PIK3CB: variants seen among roughly 807,000 people sequenced by gnomAD.
PIK3CB encodes phosphatidylinositol-4,5-bisphosphate 3-kinase catalytic subunit beta.
In PIK3CB, 39 loss-of-function variants were observed where a neutral mutation model predicts 136.8. The observed-to-expected ratio is 0.29, with a 90% CI of 0.22 to 0.37. The LOEUF is 0.37. PIK3CB is among the 10% of genes least tolerant of loss of function. The pLI is 1.00. For missense variants in PIK3CB, 868 were observed against 1,275.4 expected (o/e 0.68, Z 4.87); for synonymous variants, 428 against 436.6 (o/e 0.98, Z 0.25).
At chr3:138,779,322 A>G (rs2045897102) in intron 2 of PIK3CB, among the ~76,000 whole-genome samples, 1 of 149,874 alleles carries the variant, frequency 6.7e-6, no homozygotes. Context: ...TCCTGACCTC[A>G]TGATCTGCCC....
At chr3:138,773,259 C>G (rs925481641) in intron 2 of PIK3CB, among the ~76,000 whole-genome samples, 1 of 151,806 alleles carries the variant, frequency 6.6e-6, no homozygotes, top group African/African-American at 2.4e-5. Flanking sequence ...ATTAGTTAGG[C>G]GTGTTGTCAG....
At chr3:138,713,041 T>C (rs1195614653) in intron 9 of PIK3CB, among the ~76,000 whole-genome samples, 1 of 152,170 alleles carries the variant, frequency 6.6e-6, no homozygotes, top group Non-Finnish European at 1.5e-5. Context: ...AACATTTAAA[T>C]AGATTAATTT....
chr3:138,742,383 A>G (rs1559855363), intron 5 of PIK3CB, among the ~76,000 whole-genome samples, 175 bp downstream of exon 5: 1 of 152,218 alleles, frequency 6.6e-6, no homozygotes, highest in African/African-American at 2.4e-5. Flanking sequence ...ACGTGTACAG[A>G]ATATCACTTT....
At chr3:138,775,484 C>T (rs957020681) in intron 2 of PIK3CB, among the ~76,000 whole-genome samples, 19 of 152,196 alleles carry the variant, frequency 1.2e-4, no homozygotes, top group Non-Finnish European at 1.9e-4. Context: ...TTTTTTACCT[C>T]GACCTCCCAG....
At chr3:138,808,396 C>A (rs1292889886) in intron 1 of PIK3CB, among the ~76,000 whole-genome samples, 1 of 152,010 alleles carries the variant, frequency 6.6e-6, no homozygotes, top group Non-Finnish European at 1.5e-5. Context: ...TTTGGGAGGC[C>A]AAGGCAGGAA....
In PIK3CB at chr3:138,654,804, G is replaced by C. The variant is rs564515338; in HGVS notation, c.*585C>G. The C allele has an allele frequency of 5.0e-4, 107 of 212,886 alleles. No individual in the cohort carries two copies. The highest frequency in any genetic ancestry group is 2.2e-3 in the African/African-American group (99 of 44,394). 13.2% of individuals were successfully genotyped at this position (212,886 alleles called of 1,614,324 possible). ...CACCAGTAGATTTTCAGCAAGTCTG[G>C]CTGGAATGATGCTATCATGGAAATA... On this transcript the variant is annotated 3_prime_UTR_variant, in exon 24 of 24. Coordinates refer to ENST00000674063, the MANE Select transcript of PIK3CB (RefSeq NM_006219.3).
At position 138,760,050 on chromosome 3, in the gene PIK3CB, T is replaced by G. The variant is rs554457975; in HGVS notation, c.-16-691A>C. On this transcript the variant is annotated intron_variant, in intron 2 of 23. Coordinates refer to ENST00000674063, the MANE Select transcript of PIK3CB (RefSeq NM_006219.3). ...CATTCTCCTGCCTCAGCCTCCCGAG[T>G]AGCTGAGACTACAGGCGCCTGCCAC... is the stretch of plus-strand genomic sequence containing the variant. 2.0e-5 allele frequency among the ~76,000 whole-genome samples: 3 copies of G among 152,062 alleles called. No individual in the cohort carries two copies. The South Asian group carries it at 6.2e-4, about 32-fold the overall frequency.
chr3:138,823,320 T>A (rs1007371815), intron 1 of PIK3CB, among the ~76,000 whole-genome samples: 1 of 151,976 alleles, frequency 6.6e-6, no homozygotes, highest in African/African-American at 2.4e-5. Context: ...TAAGTGATCA[T>A]ATTTCAACTA....
Position 138,705,174 on chromosome 3 carries a change from CAAAAAACAAAACAAACAAA to C in PIK3CB, c.1531-700_1531-682del, listed in dbSNP as rs1559828631. Among the ~76,000 whole-genome samples, 52 of 57,056 alleles carry C rather than the reference CAAAAAACAAAACAAACAAA, an allele frequency of 9.1e-4. 1 individual carries two copies. Among genetic ancestry groups the C allele is most frequent in the African/African-American group, 4.3e-3 (51 of 11,746 alleles). The allele number at this position is 57,056 out of a possible 152,430, so 37.4% of individuals were successfully genotyped here. A position where few individuals can be genotyped will look rare whatever the true frequency, so the allele number is the denominator to read the frequency against. ...GAAAGGCAAAAAAAAAAAAAAAAAA[CAAAAAACAAAACAAACAAA>C]AAAAAAAACTTATATTTGCAAATAT... On this transcript the variant is annotated intron_variant, in intron 11 of 23. Transcript: ENST00000674063.
chr3:138,826,409 ATTTAGG>A (rs1933782377), intron 1 of PIK3CB: 1 of 1,279,920 alleles, frequency 7.8e-7, no homozygotes, highest in Admixed American at 1.8e-5. Flanking sequence ...TCAATCAGCC[ATTTAGG>A]TTTAATAGTA....
intron 4 of PIK3CB, among the ~76,000 whole-genome samples, chr3:138,750,481 G>A (rs1272442476): frequency 6.6e-6 from 1 of 152,094 alleles, no homozygotes; most frequent in Admixed American, 6.6e-5. Context: ...AGGATTCTTC[G>A]CATTCAAGCT....
At chr3:138,697,290 T>C (rs781634546) in intron 13 of PIK3CB, among the ~76,000 whole-genome samples, 1 of 152,190 alleles carries the variant, frequency 6.6e-6, no homozygotes, top group African/African-American at 2.4e-5. Flanking sequence ...AATACATCAG[T>C]GGCTAGAAGA....
chr3:138,657,475 T>A, intron 22 of PIK3CB: 1 of 496,118 alleles, frequency 2.0e-6, no homozygotes, highest in East Asian at 3.4e-5. Flanking sequence ...GAATAAAATA[T>A]AATAATTATT....
chr3:138,668,549 C>G (rs1009277066), intron 19 of PIK3CB, among the ~76,000 whole-genome samples: 5 of 152,188 alleles, frequency 3.3e-5, no homozygotes, highest in African/African-American at 1.2e-4. Flanking sequence ...CTCAGACTCT[C>G]TGACTGAAGT....
chr3:138,737,817 GT>G lies in PIK3CB; in HGVS notation c.690del (p.Lys230AsnfsTer3), dbSNP rs2108654915. The G allele has an allele frequency of 1.2e-6, 2 of 1,607,764 alleles. No homozygotes were observed. The highest frequency in any genetic ancestry group is 1.7e-6 in the Non-Finnish European group (2 of 1,176,304). On this transcript the variant is annotated frameshift_variant, in exon 6 of 24. Transcript: ENST00000674063. LOFTEE classifies it high-confidence loss of function. ...TCTTCCTTCCCATGAATAGTCAAAC[GT>G]TTTTGGATTGCCAATTCATTTACTT... The part of the protein sequence containing the change: ...PIKVNELAIQ[K>X]RLTIHGKEDE...
intron 1 of PIK3CB, among the ~76,000 whole-genome samples, chr3:138,822,812 T>C (rs758443352): frequency 2.7e-5 from 4 of 146,484 alleles, no homozygotes; most frequent in Non-Finnish European, 4.5e-5. Context: ...ACTGCAAATA[T>C]ATATATATGA....
At chr3:138,799,208 C>T (rs1282834231) in intron 1 of PIK3CB, among the ~76,000 whole-genome samples, 2 of 143,230 alleles carry the variant, frequency 1.4e-5, no homozygotes, top group Non-Finnish European at 3.0e-5. Flanking sequence ...GACAGAGTCT[C>T]ACTCTGTCGC....
intron 14 of PIK3CB, among the ~76,000 whole-genome samples, chr3:138,692,346 C>T (rs528096447): frequency 6.6e-6 from 1 of 152,296 alleles, no homozygotes; most frequent in South Asian, 2.1e-4. Context: ...CCAGAATTAG[C>T]TACACGGAAT....
intron 2 of PIK3CB, among the ~76,000 whole-genome samples, chr3:138,767,000 CTTTTT>C (rs11290867): frequency 6.6e-6 from 1 of 150,588 alleles, no homozygotes; most frequent in African/African-American, 2.4e-5. Context: ...CAGTATTCCC[CTTTTT>C]TTTTTGAGAC....
Sources: gnomAD v4.1 joint callset for allele counts (sites outside exome capture counted in the v4.1 genomes callset) on GRCh38, gnomAD v4.1.1 for gene constraint, MANE v1.5 for transcripts, NCBI Gene and HGNC (gene_info 2026-07-23, HGNC 2026-07-21) for gene names.